GLOD4: variants seen among roughly 807,000 people sequenced by gnomAD.
GLOD4 encodes glyoxalase domain containing 4, also known as glyoxalase domain-containing protein 4.
GLOD4 carries 44 observed loss-of-function variants against 39.1 expected under a neutral mutation model. That is an observed-to-expected ratio of 1.13 (90% CI 0.88 to 1.45). The LOEUF (loss-of-function observed/expected upper bound fraction) is 1.45. Ranked by LOEUF, GLOD4 falls within the 40% of genes most tolerant of loss-of-function variation. The probability of loss-of-function intolerance (pLI) is 0.00; values close to 1 mark genes in which losing one functional copy is unlikely to be tolerated. For synonymous variants in GLOD4, 145 were observed against 135.0 expected, an observed-to-expected ratio of 1.07 and a Z score of -0.52; for missense variants, 405 against 366.4, an observed-to-expected ratio of 1.11 and a Z score of -0.86.
At chr17:779,318 T>TAAA (rs1909468952) in intron 1 of GLOD4, among the ~76,000 whole-genome samples, 2 of 8,602 alleles carry the variant, frequency 2.3e-4, no homozygotes, top group African/African-American at 3.8e-4. Flanking sequence ...CCATCTCAAA[T>TAAA]TAAAAAAAAA....
chr17:774,055 G>A (rs1183868964), intron 4 of GLOD4, among the ~76,000 whole-genome samples: 1 of 152,136 alleles, frequency 6.6e-6, no homozygotes, highest in African/African-American at 2.4e-5. Flanking sequence ...GAGAAAAAAT[G>A]GATGGTGGAG....
chr17:777,337 T>C (rs1037593513), intron 2 of GLOD4: 3 of 233,454 alleles, frequency 1.3e-5, no homozygotes, highest in Non-Finnish European at 2.6e-5. Flanking sequence ...TTCCAACTTG[T>C]CACGGTACTA....
At chr17:783,764 T>C (rs747544455), upstream of GLOD4, among the ~76,000 whole-genome samples, 1 of 152,236 alleles carries the variant, frequency 6.6e-6, no homozygotes, top group African/African-American at 2.4e-5. Flanking sequence ...CTGTGTATCT[T>C]AGAGTATTTT....
intron 2 of GLOD4, 36 bp from the exon 3 acceptor site, chr17:777,024 G>C: frequency 6.2e-7 from 1 of 1,606,640 alleles, no homozygotes; most frequent in Non-Finnish European, 8.5e-7. Context: ...AGTGACTACA[G>C]ACAAGTCAGC....
intron 8 of GLOD4, among the ~76,000 whole-genome samples, chr17:767,171 T>A (rs1287587739): frequency 6.6e-6 from 1 of 152,242 alleles, no homozygotes; most frequent in Non-Finnish European, 1.5e-5. Context: ...TCAAAGAATT[T>A]AAGTCAACTG....
chr17:759,524 C>G lies in GLOD4; in HGVS notation c.*649G>C, dbSNP rs534410688. 6.6e-6 allele frequency: 1 copy of G among 151,714 alleles called. No individual in the cohort carries two copies. The highest frequency in any genetic ancestry group is 1.9e-4 in the East Asian group (1 of 5,160). 9.4% of individuals were successfully genotyped at this position (151,714 alleles called of 1,614,324 possible). On this transcript the variant is annotated 3_prime_UTR_variant, in exon 9 of 9. Transcript: ENST00000301329. The stretch of plus-strand genomic sequence containing the variant: ...GTTCTGTCGGGATTAAAAATATACA[C>G]GGAAAAAAATAAAACAAAATATATA...
intron 8 of GLOD4, among the ~76,000 whole-genome samples, chr17:762,803 G>A (rs1905745547): frequency 6.6e-6 from 1 of 152,250 alleles, no homozygotes; most frequent in South Asian, 2.1e-4. Context: ...AAGGGTGAGG[G>A]CCAATGACTT....
intron 8 of GLOD4, among the ~76,000 whole-genome samples, chr17:768,458 G>C (rs1166510538): frequency 1.4e-5 from 2 of 144,746 alleles, no homozygotes; most frequent in Non-Finnish European, 3.0e-5. Flanking sequence ...GGGAGAAACA[G>C]CGCGCACTCA....
In GLOD4 at chr17:769,902, C is replaced by T. The variant is rs776496105; in HGVS notation, c.798G>A (p.Lys266=). Residue 266 remains lysine, a synonymous_variant, in exon 8 of 9, where the codon AAG becomes AAA. Coordinates refer to ENST00000301329, the MANE Select transcript of GLOD4 (RefSeq NM_016080.4). Reference sequence around the variant, plus strand: ...ACAATTTGCTTCCCTCTGGATCCATCTTAGAAAGTTCTCGAAATGCTTCAT... The same window carrying T: ...ACAATTTGCTTCCCTCTGGATCCATTTTAGAAAGTTCTCGAAATGCTTCAT... ...VGDEAFRELS[K]MDPEGSKLLD... 1 of 1,609,692 alleles carries T rather than the reference C, an allele frequency of 6.2e-7. No homozygotes were observed. The highest frequency in any genetic ancestry group is 1.1e-5 in the South Asian group (1 of 91,012).
intron 4 of GLOD4, among the ~76,000 whole-genome samples, chr17:773,512 G>A (rs1465795080): frequency 6.6e-6 from 1 of 152,112 alleles, no homozygotes; most frequent in Non-Finnish European, 1.5e-5. Context: ...GTACATGGGT[G>A]TGTGTGTTTT....
Position 759,985 on chromosome 17 carries a change from T to G in GLOD4, c.*188A>C. On this transcript the variant is annotated 3_prime_UTR_variant, in exon 9 of 9. Coordinates refer to ENST00000301329, the MANE Select transcript of GLOD4 (RefSeq NM_016080.4). ...TACAGCAGGCGTTCTCTACCTGGAC[T>G]CATGATTGGATTTCATTTCTAAATT... The G allele has an allele frequency of 3.4e-6, 2 of 586,384 alleles. No individual in the cohort carries two copies. Among genetic ancestry groups the G allele is most frequent in the Non-Finnish European group, 6.1e-6 (2 of 328,976 alleles). The allele number at this position is 586,384 out of a possible 1,614,324, so 36.3% of individuals were successfully genotyped here.
At chr17:770,611 C>T (rs1907786328) in intron 5 of GLOD4, 104 bp from the exon 6 acceptor site, 1 of 710,552 alleles carries the variant, frequency 1.4e-6, no homozygotes, top group Admixed American at 2.0e-5. Flanking sequence ...AAAGTAAAAA[C>T]TGAGTCTCTA....
Position 770,459 on chromosome 17 carries a change from C to G in GLOD4, c.592G>C (p.Ala198Pro). 6.3e-7 allele frequency: 1 copy of G among 1,594,490 alleles called. No individual in the cohort carries two copies. Among genetic ancestry groups the G allele is most frequent in the Non-Finnish European group, 8.6e-7 (1 of 1,162,016 alleles). Residue 198 changes from alanine (A) to proline (P), a missense_variant, in exon 6 of 9, where the codon GCT becomes CCT. By Grantham distance (27) the Ala-to-Pro change is conservative. Transcript: ENST00000301329. ...CAAGAGAAGGCAATTCTTCCAAAAG[C>G]TGCTGCATGGTCCACCCCACCCTTG... ...GVKGGVDHAA[A>P]FGRIAFSCPQ...
At chr17:781,957 G>A in intron 1 of GLOD4, 1 of 552,282 alleles carries the variant, frequency 1.8e-6, no homozygotes, top group Non-Finnish European at 3.2e-6. Context: ...GCACACCGCG[G>A]GGACTAATCG....
At chr17:772,868 G>A (rs868505386) in intron 4 of GLOD4, among the ~76,000 whole-genome samples, 6 of 151,956 alleles carry the variant, frequency 3.9e-5, no homozygotes, top group South Asian at 2.1e-4. Context: ...GCTGGCGGGC[G>A]CCTGTGGTCC....
In GLOD4 at chr17:759,934, T is replaced by C. The variant is rs1905178981; in HGVS notation, c.*239A>G. 1 of 525,612 alleles carries C rather than the reference T, an allele frequency of 1.9e-6. No individual in the cohort carries two copies. Among genetic ancestry groups the C allele is most frequent in the Admixed American group, 3.5e-5 (1 of 28,896 alleles). The allele number at this position is 525,612 out of a possible 1,614,324, so 32.6% of individuals were successfully genotyped here. ...TCATCCAACACAGTTATATACAGAA[T>C]GCGCAGTCCCAGCAACAGTGTAGAT... is the stretch of plus-strand genomic sequence containing the variant. On this transcript the variant is annotated 3_prime_UTR_variant, in exon 9 of 9. Transcript: ENST00000301329.
At position 782,154 on chromosome 17, in the gene GLOD4, C is replaced by T; in HGVS notation, c.90+12G>A. The T allele has an allele frequency of 6.3e-7, 1 of 1,581,920 alleles. No homozygotes were observed. Among genetic ancestry groups the T allele is most frequent in the Non-Finnish European group, 8.6e-7 (1 of 1,159,478 alleles). ...GCCTCGCGCGCCAGCCCCTGTCGGC[C>T]CCGGCCTGCACCTTCATCCCCAGGA... On this transcript the variant is annotated intron_variant, in intron 1 of 8. Transcript: ENST00000301329.
rs115297676 is a variant in GLOD4 at position 776,899 on chromosome 17, A to G, written c.230T>C (p.Val77Ala). The change falls in exon 3 of 9, where the codon GTC becomes GCC. Residue 77 changes from valine (V) to alanine (A), a missense_variant. Transcript: ENST00000301329. ...FVAELTYNYG[V>A]GDYKLGNDFM... is the part of the protein sequence containing the mutation. ...GTCATTGCCAAGCTTGTAGTCTCCG[A>G]CGCCATAATTGTAAGTCAGTTCTGC... 1.2e-6 allele frequency: 2 copies of G among 1,613,244 alleles called. No individual in the cohort carries two copies. Among genetic ancestry groups the G allele is most frequent in the East Asian group, 2.2e-5 (1 of 44,890 alleles).
At chr17:768,908 A>G (rs1325211876) in intron 8 of GLOD4, among the ~76,000 whole-genome samples, 1 of 151,450 alleles carries the variant, frequency 6.6e-6, no homozygotes, top group African/African-American at 2.4e-5. Context: ...AACAGCGCGC[A>G]CTCAGATTTT....
Sources: gnomAD v4.1 joint callset for allele counts (sites outside exome capture counted in the v4.1 genomes callset) on GRCh38, gnomAD v4.1.1 for gene constraint, MANE v1.5 for transcripts, NCBI Gene and HGNC (gene_info 2026-07-23, HGNC 2026-07-21) for gene names.